The following CCDC149 variants were observed in gnomAD, a reference collection of about 807,000 sequenced individuals.
The protein encoded by CCDC149 is coiled-coil domain-containing protein 149.
In CCDC149, 45 loss-of-function variants were observed where a neutral mutation model predicts 59.9. The observed-to-expected ratio is 0.75, with a 90% CI of 0.59 to 0.96. The LOEUF (loss-of-function observed/expected upper bound fraction) is 0.96. Ranked by LOEUF, CCDC149 falls within the 40% of genes least tolerant of loss-of-function variation. The pLI, the probability that CCDC149 is intolerant of heterozygous loss-of-function variation, is 0.00. For synonymous variants in CCDC149, 245 were observed against 260.6 expected (o/e 0.94, Z 0.58); for missense variants, 584 against 664.7 (o/e 0.88, Z 1.33).
intron 1 of CCDC149, among the ~76,000 whole-genome samples, chr4:24,898,252 A>G (rs1472410585): frequency 6.6e-6 from 1 of 152,146 alleles, no homozygotes; most frequent in Non-Finnish European, 1.5e-5. Flanking sequence ...TTTCACATAC[A>G]TCATCTCACT....
chr4:24,919,879 C>G (rs1722234188), intron 1 of CCDC149, among the ~76,000 whole-genome samples: 1 of 152,056 alleles, frequency 6.6e-6, no homozygotes, highest in African/African-American at 2.4e-5. Flanking sequence ...TATTATTATC[C>G]AAGAAAGATT....
intron 1 of CCDC149, among the ~76,000 whole-genome samples, chr4:24,930,473 T>G (rs566438833): frequency 6.6e-6 from 1 of 152,352 alleles, no homozygotes; most frequent in East Asian, 1.9e-4. Flanking sequence ...ACCAGTGTAA[T>G]AAATAGGCTT....
chr4:24,904,654 T>C (rs1454704844), intron 1 of CCDC149, among the ~76,000 whole-genome samples: 1 of 152,210 alleles, frequency 6.6e-6, no homozygotes, highest in African/African-American at 2.4e-5. Context: ...CCTCCAGCAA[T>C]GTATGAGACT....
At chr4:24,876,820 C>G in intron 1 of CCDC149, 123 bp from the exon 2 acceptor site, 1 of 920,102 alleles carries the variant, frequency 1.1e-6, no homozygotes, top group South Asian at 1.8e-5. Context: ...GCTCATGTGC[C>G]GAGAGAGACA....
chr4:24,831,767 T>G, intron 8 of CCDC149, 117 bp from the exon 9 acceptor site: 1 of 879,472 alleles, frequency 1.1e-6, no homozygotes, highest in Non-Finnish European at 1.7e-6. Context: ...TGCTACTATG[T>G]TGTATTGAGA....
chr4:24,979,117 G>A (rs1724349837), intron 1 of CCDC149, among the ~76,000 whole-genome samples: 1 of 152,242 alleles, frequency 6.6e-6, no homozygotes, highest in Non-Finnish European at 1.5e-5. Context: ...TGGGGGACAT[G>A]GATTCAGTGT....
chr4:24,942,305 A>G (rs1722977686), intron 1 of CCDC149, among the ~76,000 whole-genome samples: 2 of 152,252 alleles, frequency 1.3e-5, no homozygotes, highest in African/African-American at 4.8e-5. Context: ...CCACATGATT[A>G]TCTCAATAGA....
intron 10 of CCDC149, 117 bp downstream of exon 10, chr4:24,822,380 A>G (rs2109109614): frequency 1.7e-6 from 1 of 583,440 alleles, no homozygotes; most frequent in African/African-American, 1.9e-5. Context: ...ACTTTAAATA[A>G]GGTAGAATAA....
At chr4:24,821,646 A>G (rs150723948) in intron 10 of CCDC149, among the ~76,000 whole-genome samples, 2 of 152,376 alleles carry the variant, frequency 1.3e-5, no homozygotes, top group South Asian at 2.1e-4. Flanking sequence ...GGAAGCATCC[A>G]TATGATTCAA....
At chr4:24,939,624 G>A (rs1722894795) in intron 1 of CCDC149, among the ~76,000 whole-genome samples, 1 of 151,974 alleles carries the variant, frequency 6.6e-6, no homozygotes. Context: ...TCAAACCAAT[G>A]GCAAAGAAGT....
At chr4:24,860,840 G>A in intron 3 of CCDC149, among the ~76,000 whole-genome samples, 1 of 152,104 alleles carries the variant, frequency 6.6e-6, no homozygotes, top group East Asian at 1.9e-4. Flanking sequence ...ACAAACATAT[G>A]AAAAAATGCT....
chr4:24,896,040 C>T (rs556884350), intron 1 of CCDC149, among the ~76,000 whole-genome samples: 6 of 152,298 alleles, frequency 3.9e-5, no homozygotes, highest in South Asian at 4.1e-4. Flanking sequence ...GCATGCAGGG[C>T]GCCTGAATCC....
At chr4:24,936,982 G>T (rs1329337148) in intron 1 of CCDC149, among the ~76,000 whole-genome samples, 1 of 152,170 alleles carries the variant, frequency 6.6e-6, no homozygotes. Context: ...ATTTTTGGTG[G>T]TGCAGTGGGC....
chr4:24,973,083 C>A (rs965964582), intron 1 of CCDC149, among the ~76,000 whole-genome samples: 1 of 152,190 alleles, frequency 6.6e-6, no homozygotes, highest in Non-Finnish European at 1.5e-5. Context: ...TAACTTAATT[C>A]TTTTAATCAA....
chr4:24,809,690 G>A (rs998838173), intron 12 of CCDC149, among the ~76,000 whole-genome samples: 2 of 152,218 alleles, frequency 1.3e-5, no homozygotes, highest in African/African-American at 4.8e-5. Context: ...GTGAAGAAAG[G>A]TATGACAGAG....
rs766645884 is a variant in CCDC149 at position 24,976,752 on chromosome 4, C to T, written c.-65+3317G>A. Among the ~76,000 whole-genome samples, 20 of 152,118 alleles carry T rather than the reference C, an allele frequency of 1.3e-4. 1 individual carries two copies. Among genetic ancestry groups the T allele is most frequent in the Admixed American group, 1.0e-3 (16 of 15,264 alleles). ...CAAAAAACAAAAAGTGTGCCATCAT[C>T]TGGCCTGCGCTGGTATAGTGTCCTT... On this transcript the variant is annotated intron_variant, in intron 1 of 12. Coordinates refer to the CCDC149 transcript ENST00000389609.
chr4:24,958,616 A>T (rs954527173), intron 1 of CCDC149, among the ~76,000 whole-genome samples: 1 of 152,224 alleles, frequency 6.6e-6, no homozygotes, highest in African/African-American at 2.4e-5. Flanking sequence ...ACTTCCAGAG[A>T]TTAAAACTAT....
chr4:24,952,620 AAAAAAAAT>A (rs1723338080), intron 1 of CCDC149, among the ~76,000 whole-genome samples: 23 of 26,652 alleles, frequency 8.6e-4, no homozygotes, highest in South Asian at 1.5e-3. Context: ...AAAAAAAAAA[AAAAAAAAT>A]ATATATATAT....
intron 1 of CCDC149, among the ~76,000 whole-genome samples, chr4:24,896,221 T>C (rs1720837385): frequency 6.6e-6 from 1 of 152,170 alleles, no homozygotes; most frequent in Non-Finnish European, 1.5e-5. Flanking sequence ...AATGAGGTCA[T>C]TACCACCTGC....
Sources: gnomAD v4.1 joint callset for allele counts (sites outside exome capture counted in the v4.1 genomes callset) on GRCh38, gnomAD v4.1.1 for gene constraint, MANE v1.5 for transcripts, NCBI Gene and HGNC (gene_info 2026-07-23, HGNC 2026-07-21) for gene names.